Variants in WWP1 observed in about 807,000 individuals in gnomAD.
WWP1 encodes WW domain containing E3 ubiquitin protein ligase 1.
In WWP1, 49 loss-of-function variants were observed where a neutral mutation model predicts 130.6. The observed-to-expected ratio is 0.38, with a 90% confidence interval of 0.30 to 0.48. The LOEUF (loss-of-function observed/expected upper bound fraction) is 0.48, where lower values mean the gene tolerates loss of function less well. Ranked by LOEUF, WWP1 falls within the 20% of genes least tolerant of loss-of-function variation. The pLI, the probability that WWP1 is intolerant of heterozygous loss-of-function variation, is 0.99. For missense variants in WWP1, 809 were observed against 1,100.6 expected, an observed-to-expected ratio of 0.74 and a Z score of 3.75; for synonymous variants, 332 against 367.8, an observed-to-expected ratio of 0.90 and a Z score of 1.11.
chr8:86,419,473 C>G (rs560211576), intron 9 of WWP1, among the ~76,000 whole-genome samples: 3 of 152,068 alleles, frequency 2.0e-5, no homozygotes, highest in Non-Finnish European at 4.4e-5. Context: ...AAAGTAGATA[C>G]AACATACATA....
chr8:86,388,255 C>T (rs116778636), intron 5 of WWP1, among the ~76,000 whole-genome samples: 1,490 of 146,160 alleles, frequency 0.01, 30 homozygotes, highest in African/African-American at 0.035. Flanking sequence ...ACCAGGTTGT[C>T]TGTTTTTTTT....
chr8:86,457,837 A>G, intron 21 of WWP1, 84 bp from the exon 22 acceptor site: 2 of 1,297,846 alleles, frequency 1.5e-6, no homozygotes. Flanking sequence ...TGCCATGTGC[A>G]TAACTGCATT....
intron 9 of WWP1, among the ~76,000 whole-genome samples, chr8:86,418,199 G>C (rs1468970402): frequency 4.6e-5 from 7 of 152,094 alleles, no homozygotes; most frequent in Admixed American, 4.6e-4. Context: ...TAAACTCCTT[G>C]TCTGTGTGGC....
At chr8:86,418,742 C>A (rs1809029470) in intron 9 of WWP1, among the ~76,000 whole-genome samples, 1 of 152,160 alleles carries the variant, frequency 6.6e-6, no homozygotes, top group African/African-American at 2.4e-5. Flanking sequence ...CATTGGAGGT[C>A]AGAGATACTG....
chr8:86,416,174 C>G (rs537534820), intron 9 of WWP1, among the ~76,000 whole-genome samples: 1 of 152,216 alleles, frequency 6.6e-6, no homozygotes, highest in Admixed American at 6.5e-5. Flanking sequence ...GAGCTGTATT[C>G]AAATTGCTGT....
chr8:86,383,431 C>CA (rs1166527004), intron 5 of WWP1, among the ~76,000 whole-genome samples: 4 of 152,154 alleles, frequency 2.6e-5, no homozygotes, highest in Non-Finnish European at 5.9e-5. Flanking sequence ...ATGAAGCCCT[C>CA]ACGAATTGTA....
intron 7 of WWP1, among the ~76,000 whole-genome samples, chr8:86,400,755 TAA>T (rs760388474): frequency 3.9e-5 from 6 of 152,248 alleles, no homozygotes; most frequent in Non-Finnish European, 8.8e-5. Context: ...TGATATTCAG[TAA>T]AATCGATTAT....
intron 9 of WWP1, among the ~76,000 whole-genome samples, chr8:86,421,467 C>A (rs981161297): frequency 2.7e-5 from 4 of 149,988 alleles, no homozygotes; most frequent in Admixed American, 1.3e-4. Flanking sequence ...AAAATAAGCA[C>A]TCTTAATAAA....
chr8:86,359,241 G>C lies in WWP1; in HGVS notation c.-114-9698G>C, dbSNP rs112310914. Reference sequence around the variant, plus strand: ...GGGAGTGTGTATAAATAATCGATTTGAATGACCAGGACCAGTTTGATAATA... The same window carrying C: ...GGGAGTGTGTATAAATAATCGATTTCAATGACCAGGACCAGTTTGATAATA... On this transcript the variant is annotated intron_variant, in intron 1 of 24. Coordinates refer to ENST00000517970, the MANE Select transcript of WWP1 (RefSeq NM_007013.4). 5.5e-3 allele frequency among the ~76,000 whole-genome samples: 838 copies of C among 152,216 alleles called. 5 individuals are homozygous for C. Among genetic ancestry groups the C allele is most frequent in the African/African-American group, 0.019 (789 of 41,508 alleles).
chr8:86,396,506 A>G (rs1353730294), intron 5 of WWP1, among the ~76,000 whole-genome samples: 2 of 147,990 alleles, frequency 1.4e-5, no homozygotes, highest in African/African-American at 2.5e-5. Context: ...AATGAGGTCT[A>G]TGGTGCTACA....
chr8:86,452,701 A>T (rs368349859), intron 21 of WWP1, 22 bp downstream of exon 21: 2 of 1,609,230 alleles, frequency 1.2e-6, no homozygotes, highest in Admixed American at 1.7e-5. Context: ...TTATTATGCT[A>T]TTGTAGGGAA....
intron 9 of WWP1, among the ~76,000 whole-genome samples, chr8:86,424,304 G>T (rs1179174049): frequency 6.7e-6 from 1 of 149,252 alleles, no homozygotes; most frequent in African/African-American, 2.5e-5. Context: ...GGGAAGAGGC[G>T]CTCCTCACTT....
intron 8 of WWP1, among the ~76,000 whole-genome samples, chr8:86,409,624 C>G (rs1489628489): frequency 1.3e-5 from 2 of 151,592 alleles, no homozygotes; most frequent in East Asian, 4.0e-4. Context: ...CTTTGGGAGG[C>G]CAAGTTGGGT....
chr8:86,416,473 A>T lies in WWP1; in HGVS notation c.1061+4599A>T, dbSNP rs561371285. On this transcript the variant is annotated intron_variant, in intron 9 of 24. Coordinates refer to ENST00000517970, the MANE Select transcript of WWP1 (RefSeq NM_007013.4). ...TTATGACAAGGCAGCAAGCAGTCTT[A>T]CTGCCAACCCCTGTTATATAAGTTT... Among the ~76,000 whole-genome samples the T allele has an allele frequency of 5.9e-5, 9 of 152,348 alleles. No individual in the cohort carries two copies. The South Asian group carries it at 1.7e-3, about 28-fold the overall frequency.
intron 9 of WWP1, among the ~76,000 whole-genome samples, chr8:86,416,491 A>G (rs1808893210): frequency 6.6e-6 from 1 of 152,214 alleles, no homozygotes; most frequent in Non-Finnish European, 1.5e-5. Flanking sequence ...CCCCTGTTAT[A>G]TAAGTTTGAA....
chr8:86,443,629 C>T (rs1050600072), intron 18 of WWP1, among the ~76,000 whole-genome samples: 3 of 152,062 alleles, frequency 2.0e-5, no homozygotes, highest in African/African-American at 7.2e-5. Context: ...CTCTCAGGGA[C>T]CTAAATTCCA....
intron 9 of WWP1, among the ~76,000 whole-genome samples, chr8:86,420,017 T>C (rs931880275): frequency 6.6e-6 from 1 of 152,232 alleles, no homozygotes; most frequent in African/African-American, 2.4e-5. Flanking sequence ...AAATACATTC[T>C]ATGCATATCC....
intron 9 of WWP1, among the ~76,000 whole-genome samples, chr8:86,419,062 G>C (rs953370154): frequency 6.6e-6 from 1 of 152,072 alleles, no homozygotes; most frequent in African/African-American, 2.4e-5. Context: ...TTAGATATCT[G>C]AGGGAAACCT....
At chr8:86,414,887 C>CCCCCCCCCCCCCCCCCCCCCCCCCCT (rs1554567403) in intron 9 of WWP1, among the ~76,000 whole-genome samples, 1 of 129,810 alleles carries the variant, frequency 7.7e-6, no homozygotes, top group African/African-American at 3.1e-5. Context: ...AATCCCCCCC[C>CCCCCCCCCCCCCCCCCCCCCCCCCCT]CATCCCCCCA....
Sources: gnomAD v4.1 joint callset for allele counts (sites outside exome capture counted in the v4.1 genomes callset) on GRCh38, gnomAD v4.1.1 for gene constraint, MANE v1.5 for transcripts, NCBI Gene and HGNC (gene_info 2026-07-23, HGNC 2026-07-21) for gene names.